The following BMERB1 variants were observed in gnomAD, a reference collection of about 807,000 sequenced individuals.
BMERB1 encodes the protein bMERB domain containing 1.
A neutral mutation model predicts 23.6 loss-of-function variants in BMERB1; 12 were observed. That is an observed-to-expected ratio of 0.51 (90% CI 0.33 to 0.82). The LOEUF (loss-of-function observed/expected upper bound fraction) is 0.82, where lower values mean the gene tolerates loss of function less well. Among genes scored for constraint, BMERB1 ranks in the 40% least tolerant of loss-of-function variants. The probability of loss-of-function intolerance (pLI) is 0.03; values close to 1 mark genes in which losing one functional copy is unlikely to be tolerated. For missense variants in BMERB1, 247 were observed against 255.4 expected (o/e 0.97, Z 0.22); for synonymous variants, 122 against 96.6 (o/e 1.26, Z -1.54).
At position 15,490,641 on chromosome 16, in the gene BMERB1, C is replaced by G. The variant is rs537380809; in HGVS notation, c.107-24664C>G. ...CAGGTGTGATCCTGGGTGCGTGTGCCCAGAGACGCCCTGGCTACCTGGGAT... is the reference window on the plus strand; with the variant it reads ...CAGGTGTGATCCTGGGTGCGTGTGCGCAGAGACGCCCTGGCTACCTGGGAT... On this transcript the variant is annotated intron_variant, in intron 1 of 5. Transcript: ENST00000300006. 3.3e-5 allele frequency among the ~76,000 whole-genome samples: 5 copies of G among 152,152 alleles called. No individual in the cohort carries two copies. In the East Asian group the frequency reaches 7.8e-4, roughly 24 times the overall value.
chr16:15,581,115 C>T (rs752146812), intron 3 of BMERB1, 102 bp from the exon 4 acceptor site: 7 of 755,734 alleles, frequency 9.3e-6, no homozygotes, highest in Non-Finnish European at 1.3e-5. Flanking sequence ...GGTTGTTTCA[C>T]CATGTTGACC....
chr16:15,570,823 G>T (rs1191370955), intron 3 of BMERB1, among the ~76,000 whole-genome samples: 7 of 151,866 alleles, frequency 4.6e-5, no homozygotes. Flanking sequence ...ACAACTGAGG[G>T]TTCCTCCCCT....
At chr16:15,525,433 G>A (rs2051896484) in intron 2 of BMERB1, among the ~76,000 whole-genome samples, 1 of 152,136 alleles carries the variant, frequency 6.6e-6, no homozygotes, top group Non-Finnish European at 1.5e-5. Context: ...GCCAGGTGCA[G>A]TGGTTCACGC....
chr16:15,507,263 C>T (rs988045246), intron 1 of BMERB1, among the ~76,000 whole-genome samples: 4 of 152,196 alleles, frequency 2.6e-5, no homozygotes, highest in Non-Finnish European at 4.4e-5. Context: ...CTCCACCACT[C>T]CTGTCCCTGG....
chr16:15,480,415 A>G (rs1048484539), intron 1 of BMERB1, among the ~76,000 whole-genome samples: 3 of 151,214 alleles, frequency 2.0e-5, no homozygotes, highest in African/African-American at 7.3e-5. Context: ...CACCTGGCCA[A>G]TCTGATTTTA....
chr16:15,562,160 G>T (rs1246372567), intron 2 of BMERB1, among the ~76,000 whole-genome samples: 1 of 151,680 alleles, frequency 6.6e-6, no homozygotes, highest in Non-Finnish European at 1.5e-5. Context: ...AAAATTAGCT[G>T]GGCCTGGTGG....
At chr16:15,564,286 T>G (rs2150970823) in intron 2 of BMERB1, among the ~76,000 whole-genome samples, 1 of 152,350 alleles carries the variant, frequency 6.6e-6, no homozygotes, top group Admixed American at 6.5e-5. Context: ...CCATTCTAGA[T>G]TTTTTACATG....
At chr16:15,495,179 C>T (rs1033912997) in intron 1 of BMERB1, among the ~76,000 whole-genome samples, 20 of 150,604 alleles carry the variant, frequency 1.3e-4, no homozygotes, top group African/African-American at 4.6e-4. Context: ...CCATCACGCC[C>T]GGCCTAATTT....
intron 1 of BMERB1, among the ~76,000 whole-genome samples, chr16:15,435,174 G>A (rs1245108974): frequency 1.3e-5 from 2 of 152,216 alleles, no homozygotes. Context: ...GGAGAGGGGG[G>A]AGTGTCTGCT....
At chr16:15,565,838 C>A (rs1173121726) in intron 2 of BMERB1, among the ~76,000 whole-genome samples, 1 of 152,116 alleles carries the variant, frequency 6.6e-6, no homozygotes, top group African/African-American at 2.4e-5. Context: ...TACAGCAGGA[C>A]CCTGTCTCAA....
At chr16:15,500,139 C>T (rs1035418683) in intron 1 of BMERB1, among the ~76,000 whole-genome samples, 3 of 152,184 alleles carry the variant, frequency 2.0e-5, no homozygotes, top group East Asian at 1.9e-4. Context: ...CACAGAGATA[C>T]CTGTGTCCTT....
intron 5 of BMERB1, among the ~76,000 whole-genome samples, chr16:15,584,357 C>G (rs1183238239): frequency 3.3e-5 from 5 of 151,834 alleles, no homozygotes; most frequent in African/African-American, 4.8e-5. Flanking sequence ...AGGAGATCGA[C>G]ACCATCCTGG....
chr16:15,543,972 C>T (rs917465905), intron 2 of BMERB1, among the ~76,000 whole-genome samples: 2 of 152,136 alleles, frequency 1.3e-5, no homozygotes. Context: ...TGCTTAATGA[C>T]CTGCCCACGG....
intron 1 of BMERB1, among the ~76,000 whole-genome samples, chr16:15,485,059 G>T (rs191745311): frequency 5.9e-4 from 90 of 152,340 alleles, no homozygotes; most frequent in Admixed American, 1.9e-3. Flanking sequence ...CCATCAGGTA[G>T]CAATCCCAAC....
intron 1 of BMERB1, among the ~76,000 whole-genome samples, chr16:15,495,419 G>A (rs374577521): frequency 6.6e-6 from 1 of 152,040 alleles, no homozygotes; most frequent in East Asian, 1.9e-4. Context: ...AGGCTGGAGT[G>A]CAGTGGCATG....
Position 15,502,376 on chromosome 16 carries a change from G to A in BMERB1, c.107-12929G>A, listed in dbSNP as rs1428453908. On this transcript the variant is annotated intron_variant, in intron 1 of 5. Transcript: ENST00000300006. ...TATGGGACGGCGGAGTGCAAAGAAA[G>A]GTATGATCGCTCTTGGGGGCCCAGT... is the stretch of plus-strand genomic sequence containing the variant. 5 of 1,550,170 alleles carry A rather than the reference G, an allele frequency of 3.2e-6. No individual in the cohort carries two copies. The African/African-American group carries it at 6.9e-5, about 21-fold the overall frequency.
rs1365741205 is a variant in BMERB1, at chr16:15,525,776, T to G, written c.230+10348T>G. On this transcript the variant is annotated intron_variant, in intron 2 of 5. Transcript: ENST00000300006. ...AAATAAATCTCTTCAGTAGTATTGG[T>G]TCTGTTTCTCTGGAGAACCCTGACT... Among the ~76,000 whole-genome samples, 4 of 151,996 alleles carry G rather than the reference T, an allele frequency of 2.6e-5. No individual in the cohort carries two copies. The East Asian group carries it at 7.7e-4, about 29-fold the overall frequency.
At chr16:15,585,023 A>G (rs1006082322) in intron 5 of BMERB1, among the ~76,000 whole-genome samples, 1 of 152,210 alleles carries the variant, frequency 6.6e-6, no homozygotes, top group Non-Finnish European at 1.5e-5. Flanking sequence ...CTTGCTGGGA[A>G]GACAAAAACC....
At chr16:15,505,984 A>T (rs1449413496) in intron 1 of BMERB1, among the ~76,000 whole-genome samples, 1 of 151,342 alleles carries the variant, frequency 6.6e-6, no homozygotes, top group Non-Finnish European at 1.5e-5. Flanking sequence ...CAGTGTTGAG[A>T]GTTTTGGAAA....
Sources: allele counts gnomAD v4.1 joint callset (sites outside exome capture counted in the v4.1 genomes callset), GRCh38; gene constraint gnomAD v4.1.1; transcripts MANE v1.5; gene names NCBI Gene and HGNC (gene_info 2026-07-23, HGNC 2026-07-21).